Variants in KLHL22 observed in about 807,000 individuals in gnomAD.
The protein encoded by KLHL22 is kelch like family member 22.
In KLHL22, 18 loss-of-function variants were observed where a neutral mutation model predicts 60.7. The observed-to-expected ratio is 0.30, with a 90% CI of 0.20 to 0.44. The LOEUF is 0.44. KLHL22 is among the 20% of genes least tolerant of loss of function. The pLI, the probability that KLHL22 is intolerant of heterozygous loss-of-function variation, is 1.00. For missense variants in KLHL22, 596 were observed against 852.3 expected (o/e 0.70, Z 3.74); for synonymous variants, 355 against 354.5 (o/e 1.00, Z -0.01).
chr22:20,451,796 C>T, intron 5 of KLHL22: 1 of 1,602,460 alleles, frequency 6.2e-7, no homozygotes, highest in Non-Finnish European at 8.5e-7. Flanking sequence ...CGCTGTGATG[C>T]TGGTGTGTGT....
chr22:20,451,293 T>G, intron 5 of KLHL22: 16 of 1,607,626 alleles, frequency 1.0e-5, no homozygotes, highest in Non-Finnish European at 1.2e-5. Flanking sequence ...GAAGCAGGCG[T>G]CACACCAGTA....
intron 5 of KLHL22, among the ~76,000 whole-genome samples, chr22:20,453,531 A>G (rs1312731439): frequency 6.6e-6 from 1 of 152,180 alleles, no homozygotes; most frequent in African/African-American, 2.4e-5. Flanking sequence ...CACTGTATCC[A>G]TACCACAGCC....
chr22:20,465,473 C>T lies in KLHL22; in HGVS notation c.497G>A (p.Arg166His), dbSNP rs373742566. ...YRLAELFDLS[R>H]LTEQLDTYIL... ...ATAGGTGTCCAGTTGCTCAGTCAGG[C>T]GGCTCAAGTCAAACAGCTCTGCCAG... The change falls in exon 4 of 7, where the codon CGC (arginine) becomes CAC (histidine). Residue 166 changes from arginine (R) to histidine (H), a missense_variant. By Grantham distance (29) the Arg-to-His change is conservative. Coordinates refer to ENST00000328879, the MANE Select transcript of KLHL22 (RefSeq NM_032775.4). This position sits in a 1 kb window ranked among gnomAD's most constrained non-coding sequence, Gnocchi z 4.9. 10 of 1,612,762 alleles carry T rather than the reference C, an allele frequency of 6.2e-6. No individual in the cohort carries two copies. The East Asian group carries it at 8.9e-5, about 14-fold the overall frequency.
At position 20,465,137 on chromosome 22, in the gene KLHL22, C is replaced by T. The variant is rs370316217; in HGVS notation, c.833G>A (p.Arg278Gln). The T allele has an allele frequency of 3.1e-5, 50 of 1,613,758 alleles. No individual in the cohort carries two copies. Among genetic ancestry groups the T allele is most frequent in the Admixed American group, 1.5e-4 (9 of 60,004 alleles). ...DTVASALMYHRNESLQPSLQS... is the reference protein window; with the variant it reads ...DTVASALMYHQNESLQPSLQS... ...CAGGCTGGGCTGTAGGCTCTCGTTC[C>T]GGTGGTACATGAGGGCGCTGGCCAC... Residue 278 changes from arginine to glutamine, a missense_variant, in exon 4 of 7, where the codon CGG (arginine) becomes CAG (glutamine). Physicochemically the swap from Arg to Gln is conservative, Grantham distance 43. Coordinates refer to ENST00000328879, the MANE Select transcript of KLHL22 (RefSeq NM_032775.4). This position sits in a 1 kb window ranked among gnomAD's most constrained non-coding sequence, Gnocchi z 4.9.
Position 20,452,579 on chromosome 22 carries a change from TA to T in KLHL22, c.1305+5228del, listed in dbSNP as rs911726976. 5.9e-5 allele frequency among the ~76,000 whole-genome samples: 9 copies of T among 152,194 alleles called. 1 individual carries two copies. Among genetic ancestry groups the T allele is most frequent in the Admixed American group, 2.0e-4 (3 of 15,278 alleles). ...AAGGTCTTTCACACTGGAGACAGCA[TA>T]AAAGAGTGAACCAATGTTGGGATGA... On this transcript the variant is annotated intron_variant, in intron 5 of 6. Coordinates refer to ENST00000328879, the MANE Select transcript of KLHL22 (RefSeq NM_032775.4).
Position 20,457,016 on chromosome 22 carries a change from G to A in KLHL22, c.1305+792C>T, listed in dbSNP as rs116383598. On this transcript the variant is annotated intron_variant, in intron 5 of 6. Coordinates refer to ENST00000328879, the MANE Select transcript of KLHL22 (RefSeq NM_032775.4). ...CCACAAATGCTATGCCAGTACTAGC[G>A]GGGTGCCCTGCTAGGGTACCCCTAG... Among the ~76,000 whole-genome samples the A allele has an allele frequency of 6.2e-3, 895 of 143,604 alleles. 9 individuals are homozygous for A. The highest frequency in any genetic ancestry group is 0.023 in the African/African-American group (848 of 37,474). The allele number at this position is 143,604 out of a possible 152,430, so 94.2% of individuals were successfully genotyped here.
chr22:20,442,351 C>A lies in KLHL22; in HGVS notation c.1627G>T (p.Asp543Tyr). ...GHGEPGIAVLDNRIYVLGGRS... is the reference protein window; with the variant it reads ...GHGEPGIAVLYNRIYVLGGRS... ...CCACCTAACACATAGATCCTGTTGT[C>A]CAGCACAGCAATGCCAGGCTCACCG... is the stretch of plus-strand genomic sequence containing the variant. Residue 543 changes from aspartate (D) to tyrosine (Y), a missense_variant, in exon 7 of 7, where the codon GAC (aspartate) becomes TAC (tyrosine). Transcript: ENST00000328879. 6.2e-7 allele frequency: 1 copy of A among 1,613,930 alleles called. No individual in the cohort carries two copies. Among genetic ancestry groups the A allele is most frequent in the Non-Finnish European group, 8.5e-7 (1 of 1,179,994 alleles).
intron 2 of KLHL22, chr22:20,483,273 GCT>G: frequency 1.4e-6 from 1 of 700,554 alleles, no homozygotes; most frequent in South Asian, 1.4e-5. Flanking sequence ...CCACTGTGGT[GCT>G]CTCCTCAATC....
chr22:20,464,484 T>G (rs1469269363), intron 4 of KLHL22, among the ~76,000 whole-genome samples: 1 of 152,144 alleles, frequency 6.6e-6, no homozygotes, highest in Admixed American at 6.6e-5. Context: ...AGGGCGAGGC[T>G]GCTCAGCTGG....
At chr22:20,463,594 G>T (rs140656753) in intron 4 of KLHL22, among the ~76,000 whole-genome samples, 85 of 152,330 alleles carry the variant, frequency 5.6e-4, no homozygotes, top group African/African-American at 2.0e-3. Context: ...CCCCCCAACT[G>T]GGAAACCGAG....
intron 3 of KLHL22, among the ~76,000 whole-genome samples, chr22:20,467,066 G>A (rs2053247388): frequency 6.6e-6 from 1 of 152,190 alleles, no homozygotes; most frequent in Non-Finnish European, 1.5e-5. Context: ...AAATTATTTA[G>A]GAAAGCAGGA....
Position 20,448,557 on chromosome 22 carries a change from A to G in KLHL22, c.1306-1881T>C, listed in dbSNP as rs185375865. On this transcript the variant is annotated intron_variant, in intron 5 of 6. Transcript: ENST00000328879. ...ATAAAGCTACTATTAACATTCATGTACAGATAAGTTATTTTTTATTTTTTT... is the reference window on the plus strand; with the variant it reads ...ATAAAGCTACTATTAACATTCATGTGCAGATAAGTTATTTTTTATTTTTTT... 8.7e-4 allele frequency among the ~76,000 whole-genome samples: 133 copies of G among 152,292 alleles called. 1 individual carries two copies. The highest frequency in any genetic ancestry group is 1.9e-4 in the Non-Finnish European group (13 of 68,016).
At chr22:20,460,944 T>C (rs912070742) in intron 4 of KLHL22, among the ~76,000 whole-genome samples, 17 of 152,246 alleles carry the variant, frequency 1.1e-4, no homozygotes, top group Middle Eastern at 3.4e-3. Context: ...CTTTGGGAGG[T>C]GATCAGGTCA....
intron 3 of KLHL22, among the ~76,000 whole-genome samples, chr22:20,469,691 G>A (rs1048421470): frequency 6.6e-6 from 1 of 152,098 alleles, no homozygotes; most frequent in Non-Finnish European, 1.5e-5. Flanking sequence ...TCTGAGAACA[G>A]GGCACAGGGA....
chr22:20,443,229 T>C (rs1465751766), intron 6 of KLHL22, among the ~76,000 whole-genome samples: 1 of 152,204 alleles, frequency 6.6e-6, no homozygotes. Flanking sequence ...ATTAGCCGTT[T>C]TTGGTTCTCT....
chr22:20,491,189 C>A (rs996479491), intron 1 of KLHL22: 17 of 152,138 alleles, frequency 1.1e-4, no homozygotes, highest in Non-Finnish European at 5.9e-5. Flanking sequence ...GCTTCCAGGC[C>A]CTCTCCAGGA....
intron 4 of KLHL22, among the ~76,000 whole-genome samples, chr22:20,460,314 A>C (rs745555710): frequency 2.0e-5 from 3 of 152,146 alleles, no homozygotes; most frequent in Non-Finnish European, 4.4e-5. Flanking sequence ...TTCAAATTTA[A>C]AGACACACAC....
At chr22:20,464,721 C>A in intron 4 of KLHL22, 137 bp downstream of exon 4, 1 of 632,472 alleles carries the variant, frequency 1.6e-6, no homozygotes, top group South Asian at 2.1e-5. Context: ...TCTCTGAATT[C>A]ACCTAGACTT....
chr22:20,450,712 G>T (rs994318586), intron 5 of KLHL22: 1 of 1,397,250 alleles, frequency 7.2e-7, no homozygotes, highest in African/African-American at 1.4e-5. Context: ...AGTCTTTGAG[G>T]CTGTCATCAG....
Sources: gnomAD v4.1 joint callset for allele counts (sites outside exome capture counted in the v4.1 genomes callset) on GRCh38, gnomAD v4.1.1 for gene constraint, Gnocchi (gnomAD v3.1) non-coding constraint, MANE v1.5 for transcripts, NCBI Gene and HGNC (gene_info 2026-07-23, HGNC 2026-07-21) for gene names.